The following KIF6 variants were observed in gnomAD, a reference collection of about 807,000 sequenced individuals.
KIF6 encodes kinesin family member 6, also known as kinesin-like protein KIF6.
KIF6 carries 106 observed loss-of-function variants against 112.7 expected under a neutral mutation model. The observed-to-expected ratio is 0.94, with a 90% CI of 0.80 to 1.11. The LOEUF (loss-of-function observed/expected upper bound fraction) is 1.11, where lower values mean the gene tolerates loss of function less well. Among genes scored for constraint, KIF6 ranks in the 50% least tolerant of loss-of-function variants. The pLI is 0.00. For synonymous variants in KIF6, 339 were observed against 339.9 expected, an observed-to-expected ratio of 1.00 and a Z score of 0.03; for missense variants, 929 against 964.0, an observed-to-expected ratio of 0.96 and a Z score of 0.48.
chr6:39,518,123 T>C (rs1001251319), intron 13 of KIF6, among the ~76,000 whole-genome samples: 2 of 152,206 alleles, frequency 1.3e-5, no homozygotes, highest in Middle Eastern at 3.2e-3. Context: ...ACCTTTTAGA[T>C]AGTTCTGGAA....
chr6:39,364,604 G>C (rs1280197324), intron 16 of KIF6, among the ~76,000 whole-genome samples: 1 of 152,200 alleles, frequency 6.6e-6, no homozygotes, highest in African/African-American at 2.4e-5. Context: ...TATTTTTGTA[G>C]TAGGTGAATT....
intron 3 of KIF6, among the ~76,000 whole-genome samples, chr6:39,658,343 A>G (rs560945973): frequency 5.9e-5 from 9 of 152,334 alleles, no homozygotes; most frequent in Non-Finnish European, 1.0e-4. Flanking sequence ...TTCACACTGC[A>G]TTAAAAATTG....
chr6:39,526,776 T>C (rs1292501901), intron 13 of KIF6, among the ~76,000 whole-genome samples: 2 of 139,682 alleles, frequency 1.4e-5, no homozygotes, highest in Non-Finnish European at 3.0e-5. Flanking sequence ...ACCACAGAGC[T>C]ATAGAGAAGT....
chr6:39,634,820 C>T, intron 5 of KIF6, 29 bp downstream of exon 5: 4 of 1,229,220 alleles, frequency 3.3e-6, no homozygotes, highest in Non-Finnish European at 4.8e-6. Flanking sequence ...AAGTAATTTC[C>T]CTCCATTCTT....
At position 39,540,231 on chromosome 6, in the gene KIF6, G is replaced by C; in HGVS notation, c.1427-10C>G. 6.4e-7 allele frequency: 1 copy of C among 1,566,634 alleles called. No individual in the cohort carries two copies. Among genetic ancestry groups the C allele is most frequent in the Non-Finnish European group, 8.7e-7 (1 of 1,145,426 alleles). Reference sequence around the variant, plus strand: ...ATGTTGACCAGGATATCTGAAACTTGACTTAAGGATTTAATGCCTGATGCT... The same window carrying C: ...ATGTTGACCAGGATATCTGAAACTTCACTTAAGGATTTAATGCCTGATGCT... On this transcript the variant is annotated splice_polypyrimidine_tract_variant and intron_variant, in intron 12 of 22. Transcript: ENST00000287152.
chr6:39,664,679 G>T (rs1159592016), intron 3 of KIF6, among the ~76,000 whole-genome samples: 1 of 152,140 alleles, frequency 6.6e-6, no homozygotes, highest in Non-Finnish European at 1.5e-5. Flanking sequence ...TTGAATTAAA[G>T]TTGTGAGAGT....
chr6:39,640,273 T>C (rs1414840326), intron 3 of KIF6, among the ~76,000 whole-genome samples: 1 of 152,070 alleles, frequency 6.6e-6, no homozygotes, highest in African/African-American at 2.4e-5. Context: ...TGGAATGACT[T>C]TTTGGTAGAA....
intron 16 of KIF6, among the ~76,000 whole-genome samples, chr6:39,381,298 A>G (rs192018997): frequency 6.6e-6 from 1 of 152,340 alleles, no homozygotes; most frequent in East Asian, 1.9e-4. Context: ...GGCAAAAGAA[A>G]GAAACAATAA....
intron 3 of KIF6, among the ~76,000 whole-genome samples, chr6:39,705,281 A>C (rs1308241875): frequency 9.2e-5 from 14 of 152,238 alleles, no homozygotes; most frequent in Admixed American, 9.2e-4. Flanking sequence ...ACAAGTGCCC[A>C]GGTAACATTG....
intron 3 of KIF6, among the ~76,000 whole-genome samples, chr6:39,645,700 T>C (rs1247082699): frequency 6.6e-6 from 1 of 152,154 alleles, no homozygotes; most frequent in Non-Finnish European, 1.5e-5. Flanking sequence ...TCCCTCTTTT[T>C]CTATTGATTG....
Position 39,346,132 on chromosome 6 carries a change from C to CCCCCCT in KIF6, c.2231+343_2232-343insAGGGGG, listed in dbSNP as rs1554196915. Among the ~76,000 whole-genome samples the CCCCCCT allele has an allele frequency of 4.6e-3, 124 of 26,930 alleles. 8 individuals carry two copies. Among genetic ancestry groups the CCCCCCT allele is most frequent in the African/African-American group, 0.017 (112 of 6,752 alleles). The allele number at this position is 26,930 out of a possible 152,430, so 17.7% of individuals were successfully genotyped here. A position where few individuals can be genotyped will look rare whatever the true frequency, so the allele number is the denominator to read the frequency against. Reference sequence around the variant, plus strand: ...CTCCCTCTCCCTCTCCCTCCCTCTCCCTCTCTCTCTCTCTCTCTCTCTCTC... The same window carrying CCCCCCT: ...CTCCCTCTCCCTCTCCCTCCCTCTCCCCCCCTCTCTCTCTCTCTCTCTCTCTCTCTC... On this transcript the variant is annotated intron_variant, in intron 20 of 22. Coordinates refer to ENST00000287152, the MANE Select transcript of KIF6 (RefSeq NM_145027.6).
At chr6:39,455,832 A>G (rs1259538936) in intron 13 of KIF6, among the ~76,000 whole-genome samples, 1 of 147,000 alleles carries the variant, frequency 6.8e-6, no homozygotes, top group Non-Finnish European at 1.5e-5. Flanking sequence ...AAAGAATAAA[A>G]AGAAATGAGC....
At chr6:39,497,002 T>C (rs1297663951) in intron 13 of KIF6, among the ~76,000 whole-genome samples, 1 of 152,256 alleles carries the variant, frequency 6.6e-6, no homozygotes, top group Admixed American at 6.5e-5. Context: ...TACAACTTTA[T>C]ATTTAGGTGC....
intron 16 of KIF6, among the ~76,000 whole-genome samples, chr6:39,372,297 C>A (rs983458137): frequency 5.3e-5 from 8 of 152,166 alleles, no homozygotes; most frequent in Admixed American, 2.6e-4. Flanking sequence ...ACCTTCAGGG[C>A]ACTTCCCTGT....
intron 13 of KIF6, among the ~76,000 whole-genome samples, chr6:39,484,903 C>A (rs1015156710): frequency 6.6e-6 from 1 of 152,166 alleles, no homozygotes; most frequent in Non-Finnish European, 1.5e-5. Context: ...TTGCCTCCCC[C>A]AGGGAAGCCA....
At chr6:39,615,673 C>T (rs995617971) in intron 5 of KIF6, among the ~76,000 whole-genome samples, 2 of 152,130 alleles carry the variant, frequency 1.3e-5, no homozygotes, top group Non-Finnish European at 2.9e-5. Context: ...TTCTAGTAGA[C>T]ACATGGAGAG....
chr6:39,617,067 CTATT>C (rs1315340444), intron 5 of KIF6, among the ~76,000 whole-genome samples: 1 of 151,842 alleles, frequency 6.6e-6, no homozygotes, highest in East Asian at 1.9e-4. Flanking sequence ...AACCCCCAAA[CTATT>C]TATTTGATTT....
chr6:39,439,405 T>C (rs1023561143), intron 13 of KIF6, among the ~76,000 whole-genome samples: 5 of 152,164 alleles, frequency 3.3e-5, no homozygotes, highest in Non-Finnish European at 7.4e-5. Context: ...ATATGAATGA[T>C]TAAGAGAAGC....
intron 7 of KIF6, among the ~76,000 whole-genome samples, chr6:39,595,217 T>C (rs1436481851): frequency 6.6e-6 from 1 of 152,222 alleles, no homozygotes; most frequent in East Asian, 1.9e-4. Flanking sequence ...GTTAATCTAC[T>C]AGCCTGAAAA....
Sources: allele counts gnomAD v4.1 joint callset (sites outside exome capture counted in the v4.1 genomes callset), GRCh38; gene constraint gnomAD v4.1.1; transcripts MANE v1.5; gene names NCBI Gene and HGNC (gene_info 2026-07-23, HGNC 2026-07-21).